Variants in CCDC85A observed in about 807,000 individuals in gnomAD.
CCDC85A encodes coiled-coil domain-containing protein 85A.
CCDC85A carries 38 observed loss-of-function variants against 50.2 expected under a neutral mutation model. The observed-to-expected ratio is 0.76, with a 90% CI of 0.58 to 0.99. The LOEUF (loss-of-function observed/expected upper bound fraction) is 0.99, where lower values mean the gene tolerates loss of function less well. Among genes scored for constraint, CCDC85A ranks in the 50% least tolerant of loss-of-function variants. The pLI, the probability that CCDC85A is intolerant of heterozygous loss-of-function variation, is 0.00. For missense variants in CCDC85A, 820 were observed against 742.0 expected (o/e 1.11, Z -1.22); for synonymous variants, 366 against 301.4 (o/e 1.21, Z -2.22).
intron 2 of CCDC85A, among the ~76,000 whole-genome samples, chr2:56,250,082 C>G (rs1373856161): frequency 2.0e-5 from 3 of 152,116 alleles, no homozygotes; most frequent in African/African-American, 7.2e-5. Context: ...TTTTGCTCCT[C>G]TAAAACGTGT....
chr2:56,375,940 C>T lies in CCDC85A; in HGVS notation c.1572+5C>T, dbSNP rs1676314578. ...CCTGTGGTACATTCTCTTAAGGTAA[C>T]CAATCGTGTGCAACCATTTATCCAG... On this transcript the variant is annotated splice_donor_5th_base_variant and intron_variant, in intron 5 of 5. Transcript: ENST00000407595. 6.2e-7 allele frequency: 1 copy of T among 1,611,418 alleles called. No homozygotes were observed. Among genetic ancestry groups the T allele is most frequent in the Non-Finnish European group, 8.5e-7 (1 of 1,178,376 alleles).
chr2:56,356,703 C>T (rs13402251), intron 3 of CCDC85A, among the ~76,000 whole-genome samples: 18,638 of 144,430 alleles, frequency 0.13, 1,229 homozygotes, highest in African/African-American at 0.17. Flanking sequence ...TCAGCCTGGC[C>T]GACAGAACTT....
In CCDC85A at chr2:56,184,256, C is replaced by G. The variant is rs539935384; in HGVS notation, c.-369C>G. 43 of 921,074 alleles carry G rather than the reference C, an allele frequency of 4.7e-5. No homozygotes were observed. Among genetic ancestry groups the G allele is most frequent in the Non-Finnish European group, 5.7e-5 (43 of 759,576 alleles). The allele number at this position is 921,074 out of a possible 1,614,324, so 57.1% of individuals were successfully genotyped here. A position where few individuals can be genotyped will look rare whatever the true frequency, so the allele number is the denominator to read the frequency against. ...CAGAGAGTGCGGGGGGCGACAGTCT[C>G]GGCTTAGGGCGGAGGAGAGGGCAGG... is the stretch of plus-strand genomic sequence containing the variant. On this transcript the variant is annotated 5_prime_UTR_variant, in exon 1 of 6. Transcript: ENST00000407595.
At chr2:56,376,087 G>T (rs1285080765) in intron 5 of CCDC85A, among the ~76,000 whole-genome samples, 152 bp downstream of exon 5, 1 of 152,124 alleles carries the variant, frequency 6.6e-6, no homozygotes, top group African/African-American at 2.4e-5. Flanking sequence ...AATTTTTGAA[G>T]TATGATTTTT....
chr2:56,350,253 A>G (rs1354755740), intron 3 of CCDC85A, among the ~76,000 whole-genome samples: 1 of 148,930 alleles, frequency 6.7e-6, no homozygotes, highest in Non-Finnish European at 1.5e-5. Flanking sequence ...TGCAACCTCC[A>G]CCTCCTGGGT....
intron 4 of CCDC85A, among the ~76,000 whole-genome samples, chr2:56,373,124 T>C (rs1368624767): frequency 3.3e-5 from 5 of 152,230 alleles, no homozygotes; most frequent in Non-Finnish European, 5.9e-5. Context: ...TGCTTCATTC[T>C]GTTATTGCAG....
chr2:56,274,055 C>G (rs10490400), intron 2 of CCDC85A, among the ~76,000 whole-genome samples: 27,208 of 151,990 alleles, frequency 0.18, 2,906 homozygotes, highest in East Asian at 0.35. Context: ...GGGAGAGGTA[C>G]TAAATCAGTT....
intron 2 of CCDC85A, among the ~76,000 whole-genome samples, chr2:56,209,392 T>C (rs1677094037): frequency 6.6e-6 from 1 of 151,008 alleles, no homozygotes; most frequent in African/African-American, 2.4e-5. Context: ...TTGGGGAAAA[T>C]TGCAGACATG....
intron 2 of CCDC85A, among the ~76,000 whole-genome samples, chr2:56,218,762 T>C (rs990105562): frequency 2.0e-5 from 3 of 151,816 alleles, no homozygotes; most frequent in African/African-American, 4.8e-5. Context: ...CCTACATTTT[T>C]CCCTATGGCA....
intron 2 of CCDC85A, among the ~76,000 whole-genome samples, chr2:56,303,090 T>C (rs1672280866): frequency 6.6e-6 from 1 of 152,186 alleles, no homozygotes; most frequent in African/African-American, 2.4e-5. Context: ...ACTTGCTGAT[T>C]TCTCCGACCT....
chr2:56,375,131 T>C (rs1027174914), intron 4 of CCDC85A, among the ~76,000 whole-genome samples: 4 of 152,186 alleles, frequency 2.6e-5, no homozygotes, highest in South Asian at 2.1e-4. Context: ...TACAGATCCT[T>C]AGGGGAAATT....
intron 2 of CCDC85A, among the ~76,000 whole-genome samples, chr2:56,326,832 T>C (rs116710493): frequency 3.8e-4 from 57 of 148,732 alleles, no homozygotes; most frequent in African/African-American, 1.4e-3. Context: ...AGGATTAAGG[T>C]GAAGTATTTT....
intron 3 of CCDC85A, among the ~76,000 whole-genome samples, chr2:56,359,050 C>T (rs563554818): frequency 6.6e-6 from 1 of 151,920 alleles, no homozygotes; most frequent in South Asian, 2.1e-4. Flanking sequence ...GCGATCCACC[C>T]ACCTTAGCCT....
intron 2 of CCDC85A, among the ~76,000 whole-genome samples, chr2:56,304,111 A>G (rs554366016): frequency 6.6e-6 from 1 of 152,316 alleles, no homozygotes; most frequent in African/African-American, 2.4e-5. Context: ...TTGCATTTCT[A>G]TGAATGAGGC....
intron 2 of CCDC85A, among the ~76,000 whole-genome samples, chr2:56,331,435 T>A (rs537070215): frequency 6.6e-6 from 1 of 152,312 alleles, no homozygotes; most frequent in East Asian, 1.9e-4. Flanking sequence ...ATGGGTACAA[T>A]GTACATTATT....
chr2:56,368,521 C>G (rs1204272733), intron 3 of CCDC85A, among the ~76,000 whole-genome samples: 3 of 152,128 alleles, frequency 2.0e-5, no homozygotes, highest in Non-Finnish European at 4.4e-5. Flanking sequence ...CCCCCTTAAA[C>G]TAGGCATACA....
intron 2 of CCDC85A, among the ~76,000 whole-genome samples, chr2:56,247,048 T>C (rs920167783): frequency 2.6e-5 from 4 of 152,234 alleles, no homozygotes; most frequent in African/African-American, 9.6e-5. Context: ...ATTTTTATTA[T>C]GAAGATTCAG....
intron 5 of CCDC85A, among the ~76,000 whole-genome samples, chr2:56,376,890 A>G (rs1381340715): frequency 6.6e-6 from 1 of 152,214 alleles, no homozygotes; most frequent in East Asian, 1.9e-4. Flanking sequence ...TTCAATTTCA[A>G]AATGATTTAT....
intron 2 of CCDC85A, among the ~76,000 whole-genome samples, chr2:56,341,503 T>C (rs1674370153): frequency 6.6e-6 from 1 of 152,214 alleles, no homozygotes; most frequent in Non-Finnish European, 1.5e-5. Flanking sequence ...TACCTTTCAC[T>C]GCACCTGAAA....
Sources: gnomAD v4.1 joint callset for allele counts (sites outside exome capture counted in the v4.1 genomes callset) on GRCh38, gnomAD v4.1.1 for gene constraint, MANE v1.5 for transcripts, NCBI Gene and HGNC (gene_info 2026-07-23, HGNC 2026-07-21) for gene names.